CEP85L: variants seen among roughly 807,000 people sequenced by gnomAD.
CEP85L encodes centrosomal protein of 85 kDa-like.
A neutral mutation model predicts 100.3 loss-of-function variants in CEP85L; 60 were observed. The ratio of observed to expected loss-of-function variants is 0.60; its 90% CI spans 0.49 to 0.74. The LOEUF is 0.74. Ranked by LOEUF, CEP85L falls within the 30% of genes least tolerant of loss-of-function variation. CEP85L has a pLI of 0.00. For missense variants in CEP85L, 973 were observed against 936.2 expected (o/e 1.04, Z -0.51); for synonymous variants, 319 against 322.7 (o/e 0.99, Z 0.12).
intron 10 of CEP85L, among the ~76,000 whole-genome samples, chr6:118,479,048 A>G (rs945362212): frequency 1.9e-4 from 29 of 152,196 alleles, no homozygotes; most frequent in African/African-American, 7.0e-4. Context: ...ATGGTCCAGC[A>G]TAAGTCACAT....
At chr6:118,707,722 T>C (rs1001918256) in intron 1 of CEP85L, among the ~76,000 whole-genome samples, 3 of 152,194 alleles carry the variant, frequency 2.0e-5, no homozygotes, top group Admixed American at 6.5e-5. Flanking sequence ...TTATACTTTT[T>C]GCTTGTAAAT....
upstream of CEP85L, chr6:118,651,657 T>A (rs976580250): frequency 3.1e-6 from 3 of 963,914 alleles, no homozygotes; most frequent in East Asian, 1.3e-4. Flanking sequence ...CCTCGGGCAA[T>A]GACTTCAGGC....
chr6:118,491,448 AT>A, intron 6 of CEP85L: 1 of 1,233,446 alleles, frequency 8.1e-7, no homozygotes, highest in Non-Finnish European at 1.0e-6. Flanking sequence ...TAGGCAATTA[AT>A]TTTTTAAAGA....
intron 1 of CEP85L, among the ~76,000 whole-genome samples, chr6:118,694,097 A>G (rs1427616646): frequency 6.6e-6 from 1 of 152,320 alleles, no homozygotes; most frequent in African/African-American, 2.4e-5. Context: ...GCCTAACTAC[A>G]TATATTCTCT....
At chr6:118,704,844 A>G (rs1429877507) in intron 1 of CEP85L, among the ~76,000 whole-genome samples, 2 of 152,062 alleles carry the variant, frequency 1.3e-5, no homozygotes, top group African/African-American at 2.4e-5. Context: ...AGCAGCTTCC[A>G]CTGCAGATGT....
chr6:118,500,973 AT>A (rs1367136058), intron 5 of CEP85L, among the ~76,000 whole-genome samples: 4 of 152,150 alleles, frequency 2.6e-5, no homozygotes, highest in Admixed American at 2.6e-4. Context: ...GATCTCGCTT[AT>A]TTTTGTCCTC....
intron 3 of CEP85L, among the ~76,000 whole-genome samples, chr6:118,546,086 TTC>T (rs1778185953): frequency 1.3e-5 from 2 of 152,076 alleles, no homozygotes; most frequent in Non-Finnish European, 2.9e-5. Flanking sequence ...TTAAACAACT[TTC>T]TGTTTGGGCA....
intron 2 of CEP85L, among the ~76,000 whole-genome samples, chr6:118,610,302 G>T (rs1772522611): frequency 6.6e-6 from 1 of 152,078 alleles, no homozygotes; most frequent in Non-Finnish European, 1.5e-5. Flanking sequence ...GCCAAGTGGG[G>T]TACCTAGACT....
chr6:118,579,298 G>A (rs1248715769), intron 2 of CEP85L, among the ~76,000 whole-genome samples: 1 of 143,356 alleles, frequency 7.0e-6, no homozygotes, highest in African/African-American at 2.5e-5. Context: ...GTTCAAAGAG[G>A]TCAACAATTC....
At position 118,707,981 on chromosome 6, in the gene CEP85L, C is replaced by CG. The variant is rs574826062; in HGVS notation, c.-28+2054dup. 0.025 allele frequency among the ~76,000 whole-genome samples: 754 copies of CG among 29,736 alleles called. 10 individuals are homozygous for CG. The South Asian group carries it at 0.3, about 12-fold the overall frequency. The allele number at this position is 29,736 out of a possible 152,430, so 19.5% of individuals were successfully genotyped here. A position where few individuals can be genotyped will look rare whatever the true frequency, so the allele number is the denominator to read the frequency against. On this transcript the variant is annotated intron_variant, in intron 1 of 13. Coordinates refer to the CEP85L transcript ENST00000368488. Reference sequence around the variant, plus strand: ...AAGAGTTGCTTTTTTGGGGGGGGGACGGGGGGGAAACAATCTGGCAGCATC... The same window carrying CG: ...AAGAGTTGCTTTTTTGGGGGGGGGACGGGGGGGGAAACAATCTGGCAGCATC...
intron 4 of CEP85L, among the ~76,000 whole-genome samples, chr6:118,522,226 G>A (rs1202171791): frequency 2.6e-5 from 4 of 152,224 alleles, no homozygotes; most frequent in Non-Finnish European, 4.4e-5. Context: ...CGGGCGTGAC[G>A]GCGCATGGCT....
At chr6:118,478,855 A>G (rs772683726) in intron 10 of CEP85L, among the ~76,000 whole-genome samples, 6 of 152,186 alleles carry the variant, frequency 3.9e-5, no homozygotes, top group Non-Finnish European at 7.4e-5. Flanking sequence ...GCACATTTCA[A>G]TGAATGCTAA....
At chr6:118,709,170 C>T (rs997862139) in intron 1 of CEP85L, among the ~76,000 whole-genome samples, 6 of 152,074 alleles carry the variant, frequency 3.9e-5, no homozygotes, top group Non-Finnish European at 7.4e-5. Context: ...CGTGAGTTCT[C>T]TTATGGGAGG....
At position 118,601,757 on chromosome 6, in the gene CEP85L, C is replaced by T. The variant is rs145564177; in HGVS notation, c.232+30696G>A. 4.3e-3 allele frequency among the ~76,000 whole-genome samples: 661 copies of T among 152,276 alleles called. 8 individuals are homozygous for T. Among genetic ancestry groups the T allele is most frequent in the African/African-American group, 0.015 (640 of 41,552 alleles). ...TAGACCATATAGGGTAACTTCCTGA[C>T]GTTGCCATAGCATTTGTAAACTGTC... On this transcript the variant is annotated intron_variant, in intron 2 of 12. Coordinates refer to ENST00000368491, the MANE Select transcript of CEP85L (RefSeq NM_001042475.3).
intron 4 of CEP85L, among the ~76,000 whole-genome samples, chr6:118,512,318 T>C (rs1381959474): frequency 2.0e-5 from 3 of 151,808 alleles, no homozygotes; most frequent in Non-Finnish European, 4.4e-5. Flanking sequence ...TACTAATTAA[T>C]ACAGGCATGA....
At chr6:118,689,206 T>G (rs1353221989) in intron 1 of CEP85L, among the ~76,000 whole-genome samples, 1 of 152,228 alleles carries the variant, frequency 6.6e-6, no homozygotes, top group Non-Finnish European at 1.5e-5. Flanking sequence ...ATTAGGCCTA[T>G]GAGTTACATC....
intron 3 of CEP85L, chr6:118,560,471 G>GTTTC (rs1287374984): frequency 4.8e-5 from 8 of 167,034 alleles, no homozygotes; most frequent in Non-Finnish European, 1.0e-4. Flanking sequence ...GGCAGAGGAG[G>GTTTC]AGAAAGATGG....
In CEP85L at chr6:118,570,118, G is replaced by A. The variant is rs1474296576; in HGVS notation, c.233-3802C>T. The stretch of plus-strand genomic sequence containing the variant: ...CATATACATTCATTAGCAGAGAAAA[G>A]ATCCGAAAGAATACACACAAAACTT... On this transcript the variant is annotated intron_variant, in intron 2 of 12. Transcript: ENST00000368491. Among the ~76,000 whole-genome samples the A allele has an allele frequency of 3.9e-5, 6 of 152,180 alleles. No homozygotes were observed. In the Middle Eastern group the frequency reaches 0.01, roughly 259 times the overall value.
intron 3 of CEP85L, among the ~76,000 whole-genome samples, chr6:118,558,415 G>T (rs1007229197): frequency 6.6e-6 from 1 of 152,062 alleles, no homozygotes; most frequent in African/African-American, 2.4e-5. Context: ...TCAGCCTAGG[G>T]TAAAAATGGT....
Sources: gnomAD v4.1 joint callset for allele counts (sites outside exome capture counted in the v4.1 genomes callset) on GRCh38, gnomAD v4.1.1 for gene constraint, MANE v1.5 for transcripts, NCBI Gene and HGNC (gene_info 2026-07-23, HGNC 2026-07-21) for gene names.